The following PKP4 variants were observed in gnomAD, a reference collection of about 807,000 sequenced individuals.
The protein encoded by PKP4 is plakophilin-4.
A neutral mutation model predicts 145.1 loss-of-function variants in PKP4; 90 were observed. That is an observed-to-expected ratio of 0.62 (90% confidence interval 0.52 to 0.74). PKP4 has a LOEUF of 0.74. Ranked by LOEUF, PKP4 falls within the 30% of genes least tolerant of loss-of-function variation. The pLI, the probability that PKP4 is intolerant of heterozygous loss-of-function variation, is 0.00. For synonymous variants in PKP4, 563 were observed against 577.2 expected (o/e 0.98, Z 0.35); for missense variants, 1,340 against 1,482.7 (o/e 0.90, Z 1.58).
At chr2:158,612,610 T>C (rs1325673200) in intron 4 of PKP4, among the ~76,000 whole-genome samples, 1 of 152,188 alleles carries the variant, frequency 6.6e-6, no homozygotes, top group Admixed American at 6.5e-5. Flanking sequence ...GGTAGTCCTA[T>C]CTACACTTAC....
intron 2 of PKP4, among the ~76,000 whole-genome samples, chr2:158,560,105 G>A (rs1413113854): frequency 1.3e-5 from 2 of 152,146 alleles, no homozygotes; most frequent in African/African-American, 4.8e-5. Context: ...GGCCTCAAGT[G>A]ATCTGCCCTC....
At chr2:158,573,621 T>C (rs1040742396) in intron 2 of PKP4, among the ~76,000 whole-genome samples, 15 of 145,632 alleles carry the variant, frequency 1.0e-4, no homozygotes, top group African/African-American at 3.8e-4. Context: ...ATATTTAAAT[T>C]GGGAGAGAGA....
At chr2:158,477,947 A>C (rs1394399300) in intron 1 of PKP4, among the ~76,000 whole-genome samples, 1 of 152,192 alleles carries the variant, frequency 6.6e-6, no homozygotes, top group Admixed American at 6.5e-5. Flanking sequence ...TGACTGTACT[A>C]ATGTTTCATA....
In PKP4 at chr2:158,591,722, A is replaced by G. The variant is rs1025047636; in HGVS notation, c.246-11348A>G. ...AAATATTCTTTTTGAAAATTTAAAT[A>G]AATGTCATTTATTAGCTCTAACTTT... On this transcript the variant is annotated intron_variant, in intron 3 of 21. Coordinates refer to ENST00000389759, the MANE Select transcript of PKP4 (RefSeq NM_003628.6). 4.1e-4 allele frequency among the ~76,000 whole-genome samples: 62 copies of G among 152,236 alleles called. 2 individuals are homozygous for G. Among genetic ancestry groups the G allele is most frequent in the Admixed American group, 2.5e-3 (38 of 15,276 alleles).
At chr2:158,553,840 T>G (rs1390288031) in intron 2 of PKP4, among the ~76,000 whole-genome samples, 2 of 152,184 alleles carry the variant, frequency 1.3e-5, no homozygotes, top group African/African-American at 4.8e-5. Flanking sequence ...CCAGGATGTA[T>G]TATACTCAAG....
intron 9 of PKP4, among the ~76,000 whole-genome samples, chr2:158,638,284 T>A (rs1374508304): frequency 6.6e-6 from 1 of 152,208 alleles, no homozygotes. Context: ...GAAGTAAAAG[T>A]ATATAAAATA....
chr2:158,678,717 G>A (rs1012802187), intron 21 of PKP4, 63 bp downstream of exon 21: 78 of 1,040,662 alleles, frequency 7.5e-5, no homozygotes, highest in African/African-American at 1.4e-4. Context: ...AGGGGTCCAC[G>A]TCGATTGACT....
At chr2:158,614,309 T>C (rs1209174894) in intron 4 of PKP4, among the ~76,000 whole-genome samples, 4 of 152,170 alleles carry the variant, frequency 2.6e-5, no homozygotes, top group Non-Finnish European at 5.9e-5. Context: ...ATACAAATGC[T>C]TTAAACAAAA....
At chr2:158,608,103 C>T (rs143303941) in intron 4 of PKP4, among the ~76,000 whole-genome samples, 1 of 152,254 alleles carries the variant, frequency 6.6e-6, no homozygotes, top group African/African-American at 2.4e-5. Context: ...GGGATAGATA[C>T]ACTATTCTCC....
At chr2:158,647,497 A>G (rs2054941982) in intron 11 of PKP4, among the ~76,000 whole-genome samples, 1 of 152,160 alleles carries the variant, frequency 6.6e-6, no homozygotes, top group African/African-American at 2.4e-5. Context: ...TTTTTTATAA[A>G]GATGCCTTGC....
At chr2:158,651,141 A>C (rs1450648948) in intron 11 of PKP4, among the ~76,000 whole-genome samples, 1 of 152,166 alleles carries the variant, frequency 6.6e-6, no homozygotes, top group Non-Finnish European at 1.5e-5. Flanking sequence ...TTTCAGTTTC[A>C]CTTAGATTTC....
At chr2:158,544,989 A>G (rs1002807514) in intron 2 of PKP4, among the ~76,000 whole-genome samples, 2 of 151,210 alleles carry the variant, frequency 1.3e-5, no homozygotes, top group African/African-American at 4.9e-5. Flanking sequence ...CTGAATGTAC[A>G]GTGCCATTGG....
At chr2:158,489,988 C>A (rs1164176120) in intron 1 of PKP4, among the ~76,000 whole-genome samples, 2 of 152,076 alleles carry the variant, frequency 1.3e-5, no homozygotes, top group African/African-American at 4.8e-5. Context: ...AATCATTTTT[C>A]TTCAGCTCTT....
rs1198984251 is a variant in PKP4, at chr2:158,661,519, A to T, written c.2211+69A>T. 3 of 988,222 alleles carry T rather than the reference A, an allele frequency of 3.0e-6. No homozygotes were observed. The East Asian group carries it at 7.3e-5, about 24-fold the overall frequency. The allele number at this position is 988,222 out of a possible 1,614,324, so 61.2% of individuals were successfully genotyped here. A position where few individuals can be genotyped will look rare whatever the true frequency, so the allele number is the denominator to read the frequency against. ...CATGATGCCTGGTGCCACTATTTGCATGCCATTGGTTCTTTCTGACCTGCG... is the reference window on the plus strand; with the variant it reads ...CATGATGCCTGGTGCCACTATTTGCTTGCCATTGGTTCTTTCTGACCTGCG... On this transcript the variant is annotated intron_variant, in intron 13 of 21. Transcript: ENST00000389759.
At chr2:158,466,552 AAAATT>A (rs1690644720) in intron 1 of PKP4, among the ~76,000 whole-genome samples, 1 of 151,852 alleles carries the variant, frequency 6.6e-6, no homozygotes, top group African/African-American at 2.4e-5. Flanking sequence ...CAAAAAAAAA[AAAATT>A]AGCCAGGCGT....
chr2:158,458,845 G>A (rs1022253606), intron 1 of PKP4, among the ~76,000 whole-genome samples: 6 of 152,004 alleles, frequency 3.9e-5, no homozygotes, highest in African/African-American at 1.2e-4. Context: ...ACCATTGAAA[G>A]TAACACGGGG....
chr2:158,604,577 G>A (rs1365008652), intron 4 of PKP4, among the ~76,000 whole-genome samples: 1 of 152,124 alleles, frequency 6.6e-6, no homozygotes, highest in Non-Finnish European at 1.5e-5. Flanking sequence ...GGCTGGTGTG[G>A]TGGTCAGGTG....
chr2:158,639,318 AGG>A (rs148902451), intron 9 of PKP4, among the ~76,000 whole-genome samples: 33,697 of 92,862 alleles, frequency 0.36, 4,211 homozygotes, highest in Middle Eastern at 0.53. Flanking sequence ...TGAACGCATG[AGG>A]GGTGTGTGTG....
chr2:158,578,100 T>C (rs987271773), intron 3 of PKP4: 2 of 173,038 alleles, frequency 1.2e-5, no homozygotes, highest in African/African-American at 4.8e-5. Flanking sequence ...CTGCTTACAC[T>C]TAGGTAGACA....
Sources: allele counts gnomAD v4.1 joint callset (sites outside exome capture counted in the v4.1 genomes callset), GRCh38; gene constraint gnomAD v4.1.1; transcripts MANE v1.5; gene names NCBI Gene and HGNC (gene_info 2026-07-23, HGNC 2026-07-21).